KAZN: variants seen among roughly 807,000 people sequenced by gnomAD.
KAZN encodes the protein kazrin.
Under a neutral mutation model 87.4 loss-of-function variants are expected in KAZN, and 40 were observed. That is an observed-to-expected ratio of 0.46 (90% CI 0.36 to 0.60). KAZN has a LOEUF of 0.60. Ranked by LOEUF, KAZN falls within the 20% of genes least tolerant of loss-of-function variation. The pLI is 0.00. For synonymous variants in KAZN, 466 were observed against 458.3 expected (o/e 1.02, Z -0.22); for missense variants, 898 against 1,073.9 (o/e 0.84, Z 2.29).
At chr1:14,595,680 CAAAA>C (rs34080804), upstream of KAZN, among the ~76,000 whole-genome samples, 8 of 96,678 alleles carry the variant, frequency 8.3e-5, no homozygotes, top group Admixed American at 1.0e-4. Flanking sequence ...GACTGCGTCT[CAAAA>C]AAAAAAAAAA....
intron 2 of KAZN, among the ~76,000 whole-genome samples, chr1:14,520,921 G>A (rs1671551889): frequency 6.6e-6 from 1 of 152,202 alleles, no homozygotes; most frequent in Non-Finnish European, 1.5e-5. Flanking sequence ...TCCCTGGGCA[G>A]GGCAGGTTCC....
chr1:14,999,517 T>TCCCCCCCCC (rs1557701638), intron 2 of KAZN, among the ~76,000 whole-genome samples: 2 of 80,988 alleles, frequency 2.5e-5, no homozygotes, highest in African/African-American at 9.9e-5. Flanking sequence ...CGCCCCGCCA[T>TCCCCCCCCC]CCAGACCTTG....
At chr1:14,258,296 A>G (rs1225618175) in intron 2 of KAZN, among the ~76,000 whole-genome samples, 4 of 150,162 alleles carry the variant, frequency 2.7e-5, no homozygotes, top group Admixed American at 2.0e-4. Context: ...GCTCACTGCA[A>G]GCTCTGCCTC....
At chr1:15,000,615 G>T (rs1473625543) in intron 2 of KAZN, among the ~76,000 whole-genome samples, 2 of 151,812 alleles carry the variant, frequency 1.3e-5, no homozygotes, top group Non-Finnish European at 2.9e-5. Context: ...GGAAAGCAAG[G>T]TTCATTCCTC....
chr1:14,698,935 C>A (rs1641771357), intron 1 of KAZN, among the ~76,000 whole-genome samples: 1 of 152,218 alleles, frequency 6.6e-6, no homozygotes, highest in Admixed American at 6.5e-5. Context: ...CCTGGGAGAG[C>A]TATCTTCATT....
At chr1:14,676,482 C>T (rs1640227616) in intron 1 of KAZN, among the ~76,000 whole-genome samples, 1 of 152,118 alleles carries the variant, frequency 6.6e-6, no homozygotes, top group Admixed American at 6.5e-5. Flanking sequence ...GCTCTGTCCT[C>T]CTGCAGGGAA....
chr1:14,418,620 A>G (rs1408835248), intron 2 of KAZN, among the ~76,000 whole-genome samples: 1 of 152,226 alleles, frequency 6.6e-6, no homozygotes, highest in Non-Finnish European at 1.5e-5. Flanking sequence ...TGTTTTATAG[A>G]CAATCTGATT....
At chr1:15,040,357 T>C (rs1672761687) in intron 3 of KAZN, among the ~76,000 whole-genome samples, 1 of 152,236 alleles carries the variant, frequency 6.6e-6, no homozygotes. Context: ...AGCAGACTCC[T>C]GTAGGACTCC....
At chr1:15,030,931 G>T (rs368608607) in intron 2 of KAZN, among the ~76,000 whole-genome samples, 2 of 152,210 alleles carry the variant, frequency 1.3e-5, no homozygotes, top group Non-Finnish European at 2.9e-5. Flanking sequence ...CCTCCTCCCC[G>T]TGGTGACATG....
At chr1:14,805,693 G>C (rs1646188625) in intron 1 of KAZN, among the ~76,000 whole-genome samples, 1 of 151,786 alleles carries the variant, frequency 6.6e-6, no homozygotes, top group Non-Finnish European at 1.5e-5. Context: ...CCTGGGAGGT[G>C]GAGGTTGCAG....
intron 1 of KAZN, among the ~76,000 whole-genome samples, chr1:14,734,020 G>T (rs538037570): frequency 5.4e-4 from 82 of 152,206 alleles, no homozygotes; most frequent in Non-Finnish European, 1.0e-3. Flanking sequence ...GGATATCTAC[G>T]CCTAACAGGT....
At chr1:14,911,079 T>C (rs1657194145) in intron 1 of KAZN, among the ~76,000 whole-genome samples, 1 of 152,198 alleles carries the variant, frequency 6.6e-6, no homozygotes, top group Admixed American at 6.5e-5. Flanking sequence ...GCCAGGCCTC[T>C]GAACCAGACA....
At chr1:14,762,587 C>G (rs1403596843) in intron 1 of KAZN, among the ~76,000 whole-genome samples, 2 of 151,962 alleles carry the variant, frequency 1.3e-5, no homozygotes, top group Non-Finnish European at 2.9e-5. Context: ...TAGCCAGTCG[C>G]GGTGGCAGGC....
intron 1 of KAZN, among the ~76,000 whole-genome samples, chr1:14,886,751 G>A (rs550114516): frequency 1.3e-5 from 2 of 151,972 alleles, no homozygotes; most frequent in African/African-American, 2.4e-5. Flanking sequence ...AGATCGTGCC[G>A]TTATACTCCA....
rs539909946 is a variant in KAZN at position 13,915,154 on chromosome 1, T to G, written c.91+21398T>G. On this transcript the variant is annotated intron_variant, in intron 1 of 16. Coordinates refer to the KAZN transcript ENST00000636203. ...ATATATGTGCAGATGTGTATACACA[T>G]GCACACAGACACAAACACAGGCACA... Among the ~76,000 whole-genome samples the G allele has an allele frequency of 6.7e-4, 102 of 152,318 alleles. No homozygotes were observed. In the South Asian group the frequency reaches 0.02, roughly 30 times the overall value.
At chr1:14,579,430 C>G (rs993405106) in intron 2 of KAZN, among the ~76,000 whole-genome samples, 2 of 151,844 alleles carry the variant, frequency 1.3e-5, no homozygotes, top group East Asian at 3.9e-4. Flanking sequence ...TTGAGACCAC[C>G]CTGGCTAACA....
intron 2 of KAZN, among the ~76,000 whole-genome samples, chr1:14,582,772 C>T (rs1319775930): frequency 6.6e-6 from 1 of 152,158 alleles, no homozygotes; most frequent in Non-Finnish European, 1.5e-5. Context: ...AGAAATAAAA[C>T]ATAATTTTCA....
At chr1:14,969,929 T>C (rs1398719671) in intron 2 of KAZN, among the ~76,000 whole-genome samples, 4 of 152,174 alleles carry the variant, frequency 2.6e-5, no homozygotes, top group Non-Finnish European at 5.9e-5. Flanking sequence ...TTCTCCTGCC[T>C]CAGCCTCCTG....
chr1:14,466,117 T>G (rs1668112116), intron 2 of KAZN, among the ~76,000 whole-genome samples: 1 of 152,168 alleles, frequency 6.6e-6, no homozygotes, highest in African/African-American at 2.4e-5. Flanking sequence ...TGGTGTCACC[T>G]AACAACATAT....
Sources: gnomAD v4.1 joint callset for allele counts (sites outside exome capture counted in the v4.1 genomes callset) on GRCh38, gnomAD v4.1.1 for gene constraint, MANE v1.5 for transcripts, NCBI Gene and HGNC (gene_info 2026-07-23, HGNC 2026-07-21) for gene names.